SPECC1: variants seen among roughly 807,000 people sequenced by gnomAD.
SPECC1 encodes the protein cytospin-B.
In SPECC1, 62 loss-of-function variants were observed where a neutral mutation model predicts 104.1. The observed-to-expected ratio is 0.60, with a 90% CI of 0.49 to 0.74. The LOEUF is 0.74. Ranked by LOEUF, SPECC1 falls within the 30% of genes least tolerant of loss-of-function variation. The pLI is 0.00. For missense variants in SPECC1, 1,306 were observed against 1,310.5 expected (o/e 1.00, Z 0.05); for synonymous variants, 513 against 501.6 (o/e 1.02, Z -0.30).
Position 20,123,181 on chromosome 17 carries a change from A to G in SPECC1, c.283+12619A>G, listed in dbSNP as rs1474929115. ...GAAGGAGGTTCATGTAGCCACATTTAAAACATTTTTAAAACCACGAGACAT... is the reference window on the plus strand; with the variant it reads ...GAAGGAGGTTCATGTAGCCACATTTGAAACATTTTTAAAACCACGAGACAT... On this transcript the variant is annotated intron_variant, in intron 3 of 14. Coordinates refer to ENST00000395527, the MANE Select transcript of SPECC1 (RefSeq NM_001243439.2). Among the ~76,000 whole-genome samples, 4 of 152,362 alleles carry G rather than the reference A, an allele frequency of 2.6e-5. No individual in the cohort carries two copies. In the South Asian group the frequency reaches 8.3e-4, roughly 32 times the overall value.
At chr17:20,177,136 G>C (rs1168361443) in intron 3 of SPECC1, among the ~76,000 whole-genome samples, 2 of 152,152 alleles carry the variant, frequency 1.3e-5, no homozygotes, top group East Asian at 3.9e-4. Context: ...AGGCTTTTAG[G>C]CTGAGGAAAC....
At chr17:20,252,269 T>A (rs79413120) in intron 9 of SPECC1, among the ~76,000 whole-genome samples, 1,886 of 152,238 alleles carry the variant, frequency 0.012, 40 homozygotes, top group African/African-American at 0.042. Flanking sequence ...AATTTTTTTT[T>A]AAATTTTTAA....
intron 4 of SPECC1, among the ~76,000 whole-genome samples, chr17:20,216,726 A>C (rs2037513093): frequency 6.6e-6 from 1 of 152,168 alleles, no homozygotes; most frequent in African/African-American, 2.4e-5. Flanking sequence ...GTGCAATTCC[A>C]CTGGCTCCAT....
chr17:20,135,924 G>T (rs1426909026), intron 3 of SPECC1, among the ~76,000 whole-genome samples: 2 of 152,146 alleles, frequency 1.3e-5, no homozygotes, highest in African/African-American at 4.8e-5. Flanking sequence ...CCACATCCTG[G>T]CTGTGTGACC....
At position 20,204,837 on chromosome 17, in the gene SPECC1, C is replaced by G; in HGVS notation, c.788C>G (p.Ser263Ter). The G allele has an allele frequency of 6.2e-7, 1 of 1,614,040 alleles. No homozygotes were observed. Among genetic ancestry groups the G allele is most frequent in the South Asian group, 1.1e-5 (1 of 91,068 alleles). ...KLIYLEHSPN[S>*]EGAASHTGDS... ...ATCTATCTTGAGCACTCCCCAAATTCAGAAGGGGCAGCAAGTCACACTGGC... is the reference window on the plus strand; with the variant it reads ...ATCTATCTTGAGCACTCCCCAAATTGAGAAGGGGCAGCAAGTCACACTGGC... The change falls in exon 4 of 15, where the codon TCA (serine) becomes TGA (stop). Residue 263 changes from serine (S) to a stop codon, truncating the protein, a stop_gained. Transcript: ENST00000395527. LOFTEE classifies it high-confidence loss of function.
intron 3 of SPECC1, among the ~76,000 whole-genome samples, chr17:20,114,299 C>A (rs981378554): frequency 6.6e-6 from 1 of 152,126 alleles, no homozygotes; most frequent in Non-Finnish European, 1.5e-5. Context: ...TCAAGCGATT[C>A]TCCTGCCTCA....
chr17:20,286,712 A>G lies in SPECC1; in HGVS notation c.2941-10249A>G, dbSNP rs1215109092. ...CTGCCCACACGAGTACCTTGCTGCC[A>G]TGGCTTCCTTGACCTCTCTGGTCAC... On this transcript the variant is annotated intron_variant, in intron 12 of 14. Coordinates refer to ENST00000395527, the MANE Select transcript of SPECC1 (RefSeq NM_001243439.2). Among the ~76,000 whole-genome samples the G allele has an allele frequency of 6.6e-5, 10 of 152,136 alleles. No individual in the cohort carries two copies. The East Asian group carries it at 1.9e-3, about 29-fold the overall frequency.
chr17:20,015,530 T>A lies in SPECC1; in HGVS notation c.-22+6106T>A, dbSNP rs116892101. Among the ~76,000 whole-genome samples, 1,030 of 151,704 alleles carry A rather than the reference T, an allele frequency of 6.8e-3. 2 individuals are homozygous for A. Among genetic ancestry groups the A allele is most frequent in the Non-Finnish European group, 0.011 (737 of 67,914 alleles). ...TTTGTTCCGTCAACTCTTTAGCCCA[T>A]CTCTTGAGTGTTTTTAAATATTGAT... On this transcript the variant is annotated intron_variant, in intron 1 of 14. Coordinates refer to ENST00000395527, the MANE Select transcript of SPECC1 (RefSeq NM_001243439.2).
intron 1 of SPECC1, among the ~76,000 whole-genome samples, chr17:20,021,264 T>C (rs2044364240): frequency 6.6e-6 from 1 of 152,144 alleles, no homozygotes; most frequent in Non-Finnish European, 1.5e-5. Context: ...AAACCTGTGC[T>C]ATTCAAGGGT....
intron 3 of SPECC1, among the ~76,000 whole-genome samples, chr17:20,120,619 A>G (rs2048980016): frequency 6.6e-6 from 1 of 152,196 alleles, no homozygotes; most frequent in South Asian, 2.1e-4. Flanking sequence ...TTTTTATGCC[A>G]TGCAAGACTT....
intron 12 of SPECC1, among the ~76,000 whole-genome samples, chr17:20,282,505 A>G (rs973403421): frequency 2.0e-5 from 3 of 152,240 alleles, no homozygotes; most frequent in East Asian, 1.9e-4. Flanking sequence ...TAAAATCCCA[A>G]CAGACTTTCT....
intron 3 of SPECC1, among the ~76,000 whole-genome samples, chr17:20,156,960 G>A (rs2032629199): frequency 6.6e-6 from 1 of 152,162 alleles, no homozygotes; most frequent in Non-Finnish European, 1.5e-5. Context: ...GAAAGAGGTG[G>A]TTGACCTGAC....
chr17:20,194,502 A>ATTTTTTTTTTTTT lies in SPECC1; in HGVS notation c.284-9820_284-9808dup, dbSNP rs1209589252. 4.4e-4 allele frequency among the ~76,000 whole-genome samples: 38 copies of ATTTTTTTTTTTTT among 86,530 alleles called. 2 individuals carry two copies. Among genetic ancestry groups the ATTTTTTTTTTTTT allele is most frequent in the African/African-American group, 1.3e-3 (24 of 18,736 alleles). The allele number at this position is 86,530 out of a possible 152,430, so 56.8% of individuals were successfully genotyped here. A position where few individuals can be genotyped will look rare whatever the true frequency, so the allele number is the denominator to read the frequency against. The stretch of plus-strand genomic sequence containing the variant: ...TGTGTTCTGTTAGAAAAGAGAACGA[A>ATTTTTTTTTTTTT]TTTTTTTTTTTTTTTTTTTTTTTGA... On this transcript the variant is annotated intron_variant, in intron 3 of 14. Coordinates refer to ENST00000395527, the MANE Select transcript of SPECC1 (RefSeq NM_001243439.2).
At chr17:20,097,511 C>G (rs560385556) in intron 2 of SPECC1, among the ~76,000 whole-genome samples, 3 of 152,320 alleles carry the variant, frequency 2.0e-5, no homozygotes, top group East Asian at 3.9e-4. Flanking sequence ...ACGGGCGTGA[C>G]AGCTACAATG....
At chr17:20,101,585 A>G (rs2047946599) in intron 2 of SPECC1, among the ~76,000 whole-genome samples, 2 of 152,162 alleles carry the variant, frequency 1.3e-5, no homozygotes, top group African/African-American at 4.8e-5. Flanking sequence ...ACTCCTGTAA[A>G]TCCTCCTTGT....
At chr17:20,244,823 A>G (rs1460049714) in intron 7 of SPECC1, among the ~76,000 whole-genome samples, 2 of 152,240 alleles carry the variant, frequency 1.3e-5, no homozygotes, top group African/African-American at 4.8e-5. Context: ...ATATGATACA[A>G]TGAAGAGAGC....
chr17:20,205,049 AT>A lies in SPECC1; in HGVS notation c.1002del (p.Thr335GlnfsTer31). 2 of 1,614,224 alleles carry A rather than the reference AT, an allele frequency of 1.2e-6. No individual in the cohort carries two copies. Among genetic ancestry groups the A allele is most frequent in the Non-Finnish European group, 1.7e-6 (2 of 1,180,028 alleles). The part of the protein sequence containing the change: ...LSPDASDFEH[I>X]TAETPSRPLS... ...GCCAGATGCTTCCGACTTTGAGCACATTACAGCAGAGACACCCTCAAGGCCC... is the reference window on the plus strand; with the variant it reads ...GCCAGATGCTTCCGACTTTGAGCACATACAGCAGAGACACCCTCAAGGCCC... On this transcript the variant is annotated frameshift_variant, in exon 4 of 15. Transcript: ENST00000395527. LOFTEE classifies it high-confidence loss of function.
At chr17:20,296,849 G>A in intron 12 of SPECC1, 112 bp from the exon 13 acceptor site, 3 of 975,194 alleles carry the variant, frequency 3.1e-6, no homozygotes, top group Non-Finnish European at 4.7e-6. Context: ...GAATGCTTGT[G>A]ATTTTTGCAC....
At chr17:20,039,683 T>C (rs2045243859) in intron 1 of SPECC1, among the ~76,000 whole-genome samples, 1 of 152,030 alleles carries the variant, frequency 6.6e-6, no homozygotes, top group Non-Finnish European at 1.5e-5. Flanking sequence ...GCCTCCTGAG[T>C]AGTTGGGACT....
Sources: gnomAD v4.1 joint callset for allele counts (sites outside exome capture counted in the v4.1 genomes callset) on GRCh38, gnomAD v4.1.1 for gene constraint, MANE v1.5 for transcripts, NCBI Gene and HGNC (gene_info 2026-07-23, HGNC 2026-07-21) for gene names.